NHS: variants seen among roughly 807,000 people sequenced by gnomAD.
NHS encodes the protein NHS actin remodeling regulator, also known as actin remodeling regulator NHS.
Under a neutral mutation model 72.5 loss-of-function variants are expected in NHS, and 5 were observed. The observed-to-expected ratio is 0.07, with a 90% CI of 0.04 to 0.14. The LOEUF (loss-of-function observed/expected upper bound fraction) is 0.14. Ranked by LOEUF, NHS falls within the 10% of genes least tolerant of loss-of-function variation. The pLI, the probability that NHS is intolerant of heterozygous loss-of-function variation, is 1.00. For missense variants in NHS, 1,072 were observed against 1,355.7 expected (o/e 0.79, Z 3.29); for synonymous variants, 464 against 547.7 (o/e 0.85, Z 2.13).
At chrX:17,696,587 A>G (rs1199780963) in intron 3 of NHS, among the ~76,000 whole-genome samples, 1 of 112,186 alleles carries the variant, frequency 8.9e-6, no homozygotes, top group African/African-American at 3.2e-5. Context: ...TTTCTTTGGT[A>G]AGAAACAATA....
At chrX:17,518,221 A>T (rs1462515296) in intron 1 of NHS, among the ~76,000 whole-genome samples, 1 of 111,999 alleles carries the variant, frequency 8.9e-6, no homozygotes, top group Non-Finnish European at 1.9e-5. Context: ...CTCAGAAGCG[A>T]CACAACCCTT....
At chrX:17,709,926 G>C (rs2066320137) in intron 3 of NHS, among the ~76,000 whole-genome samples, 2 of 111,681 alleles carry the variant, frequency 1.8e-5, no homozygotes, top group South Asian at 7.5e-4. Context: ...TCTCTGACAG[G>C]GGCCATAATG....
intron 1 of NHS, among the ~76,000 whole-genome samples, chrX:17,431,322 G>C (rs1226418183): frequency 9.0e-6 from 1 of 111,630 alleles, no homozygotes; most frequent in Admixed American, 9.5e-5. Context: ...ACCCACTAGA[G>C]TGCTTGGTGG....
chrX:17,497,754 T>C (rs2065019572), intron 1 of NHS, among the ~76,000 whole-genome samples: 1 of 112,406 alleles, frequency 8.9e-6, no homozygotes, highest in Non-Finnish European at 1.9e-5. Flanking sequence ...AACATATCGA[T>C]ACACATGGTG....
intron 1 of NHS, among the ~76,000 whole-genome samples, chrX:17,422,489 G>C (rs1219309704): frequency 9.0e-6 from 1 of 110,867 alleles, no homozygotes; most frequent in Non-Finnish European, 1.9e-5. Flanking sequence ...TCAAATCCAG[G>C]GTTTCCCACC....
intron 1 of NHS, among the ~76,000 whole-genome samples, chrX:17,424,388 AG>A (rs2064639023): frequency 9.0e-6 from 1 of 111,642 alleles, no homozygotes; most frequent in Non-Finnish European, 1.9e-5. Flanking sequence ...GATTCTGTGC[AG>A]GTCCCTACAG....
rs375807412 is a variant in NHS, at chrX:17,703,816, T to C, written c.852+11348T>C. ...GAAGTGGAAAGCATTCCAGTGCACA[T>C]AACATTGAGGCATAAACCATGCTGC... On this transcript the variant is annotated intron_variant, in intron 3 of 8. Coordinates refer to ENST00000676302, the MANE Select transcript of NHS (RefSeq NM_001291867.2). Among the ~76,000 whole-genome samples, 5 of 111,958 alleles carry C rather than the reference T, an allele frequency of 4.5e-5. No homozygotes were observed. The East Asian group carries it at 1.1e-3, about 25-fold the overall frequency.
chrX:17,446,674 A>C (rs978276190), intron 1 of NHS, among the ~76,000 whole-genome samples: 1 of 110,632 alleles, frequency 9.0e-6, no homozygotes, highest in Admixed American at 9.6e-5. Context: ...AAAAAAAATC[A>C]ATAAAATAAA....
At chrX:17,601,525 AATGGATTTG>A (rs966978145) in intron 1 of NHS, among the ~76,000 whole-genome samples, 1 of 111,939 alleles carries the variant, frequency 8.9e-6, no homozygotes, top group Admixed American at 9.4e-5. Context: ...AATCAAGACA[AATGGATTTG>A]ATGATGGAAA....
chrX:17,487,801 A>G (rs2064973265), intron 1 of NHS, among the ~76,000 whole-genome samples: 1 of 111,465 alleles, frequency 9.0e-6, no homozygotes, highest in African/African-American at 3.3e-5. Flanking sequence ...TGTGAGCAAT[A>G]TTTTCAGGAT....
intron 1 of NHS, among the ~76,000 whole-genome samples, chrX:17,437,250 T>C (rs1210079578): frequency 9.0e-6 from 1 of 111,690 alleles, no homozygotes; most frequent in Non-Finnish European, 1.9e-5. Flanking sequence ...CCTCCCCTCC[T>C]GGTGCAAGCC....
At position 17,727,584 on chromosome X, in the gene NHS, A is replaced by T; in HGVS notation, c.3478A>T (p.Thr1160Ser). The T allele has an allele frequency of 8.3e-7, 1 of 1,211,485 alleles. No individual in the cohort carries two copies. The highest frequency in any genetic ancestry group is 1.1e-6 in the Non-Finnish European group (1 of 895,272). ...EEVKQKEENN[T>S]DLPYLEESTL... is the part of the protein sequence containing the mutation. Reference sequence around the variant, plus strand: ...AGTTAAGCAAAAAGAAGAAAACAATACAGATCTCCCTTATTTAGAGGAAAG... The same window carrying T: ...AGTTAAGCAAAAAGAAGAAAACAATTCAGATCTCCCTTATTTAGAGGAAAG... The change falls in exon 7 of 9, where the codon ACA becomes TCA. Residue 1160 changes from threonine (T) to serine (S), a missense_variant. Transcript: ENST00000676302.
chrX:17,554,449 G>A (rs1238653807), intron 1 of NHS, among the ~76,000 whole-genome samples: 1 of 112,450 alleles, frequency 8.9e-6, no homozygotes, highest in Non-Finnish European at 1.9e-5. Context: ...ATGAAAAGGT[G>A]ATGATGACAA....
intron 1 of NHS, among the ~76,000 whole-genome samples, chrX:17,606,978 G>A (rs1445111095): frequency 8.9e-6 from 1 of 112,310 alleles, no homozygotes; most frequent in African/African-American, 3.2e-5. Flanking sequence ...CGTTTTAAAC[G>A]TGAGGCACAT....
At chrX:17,546,948 A>T (rs1004235590) in intron 1 of NHS, among the ~76,000 whole-genome samples, 3 of 112,056 alleles carry the variant, frequency 2.7e-5, no homozygotes, top group African/African-American at 9.7e-5. Context: ...GACTCAACAG[A>T]ATGAGAAAAG....
intron 1 of NHS, among the ~76,000 whole-genome samples, chrX:17,481,054 T>A (rs2064943971): frequency 9.0e-6 from 1 of 111,508 alleles, no homozygotes; most frequent in South Asian, 3.8e-4. Flanking sequence ...CTTCCTATTT[T>A]TAGTGCAGCC....
At chrX:17,443,687 C>G (rs1226755470) in intron 1 of NHS, among the ~76,000 whole-genome samples, 1 of 111,764 alleles carries the variant, frequency 8.9e-6, no homozygotes, top group African/African-American at 3.3e-5. Context: ...AGGTCTGGGC[C>G]CTTTAAAAGC....
chrX:17,451,739 C>T (rs1322529252), intron 1 of NHS, among the ~76,000 whole-genome samples: 1 of 112,061 alleles, frequency 8.9e-6, no homozygotes, highest in Non-Finnish European at 1.9e-5. Flanking sequence ...ATGCTTTACC[C>T]TCTTATATTT....
chrX:17,523,794 C>G (rs1428492475), intron 1 of NHS, among the ~76,000 whole-genome samples: 3 of 112,096 alleles, frequency 2.7e-5, no homozygotes, highest in African/African-American at 9.7e-5. Flanking sequence ...CCTCCAACCA[C>G]CACAGTGGAA....
Sources: allele counts gnomAD v4.1 joint callset (sites outside exome capture counted in the v4.1 genomes callset), GRCh38; gene constraint gnomAD v4.1.1; transcripts MANE v1.5; gene names NCBI Gene and HGNC (gene_info 2026-07-23, HGNC 2026-07-21).